Variants in MOV10 observed in about 807,000 individuals in gnomAD.
MOV10 encodes the protein Mov10 RNA helicase.
In MOV10, 39 loss-of-function variants were observed where a neutral mutation model predicts 108.4. The observed-to-expected ratio is 0.36, with a 90% CI of 0.28 to 0.47. The LOEUF (loss-of-function observed/expected upper bound fraction) is 0.47. MOV10 is among the 20% of genes least tolerant of loss of function. MOV10 has a pLI of 1.00. For missense variants in MOV10, 952 were observed against 1,297.6 expected, an observed-to-expected ratio of 0.73 and a Z score of 4.09; for synonymous variants, 490 against 523.1, an observed-to-expected ratio of 0.94 and a Z score of 0.86.
In MOV10 at chr1:112,694,395, C is replaced by T. The variant is rs1178325396; in HGVS notation, c.1296-58C>T. 3 of 1,601,554 alleles carry T rather than the reference C, an allele frequency of 1.9e-6. No individual in the cohort carries two copies. Among genetic ancestry groups the T allele is most frequent in the East Asian group, 4.5e-5 (2 of 44,784 alleles). ...ACTGGTTGGTGGAGAAAGTTCTGGC[C>T]CTTTATTGCCCACCTCCCCTGCCCC... On this transcript the variant is annotated intron_variant, in intron 8 of 20. Coordinates refer to ENST00000369645, the MANE Select transcript of MOV10 (RefSeq NM_001321324.2). The surrounding 1 kb of genome is among the most constrained non-coding windows in gnomAD (Gnocchi z 4.1).
At chr1:112,687,713 C>G (rs1454757851) in intron 2 of MOV10, among the ~76,000 whole-genome samples, 1 of 152,196 alleles carries the variant, frequency 6.6e-6, no homozygotes, top group African/African-American at 2.4e-5. Context: ...CTCACCCTTA[C>G]TGAGGTCTCC....
chr1:112,684,851 T>A (rs1672949199), intron 2 of MOV10, among the ~76,000 whole-genome samples: 1 of 152,222 alleles, frequency 6.6e-6, no homozygotes, highest in African/African-American at 2.4e-5. Context: ...GAATATTCGA[T>A]TTTTCTGTTG....
chr1:112,676,928 A>G (rs528179494), intron 2 of MOV10, among the ~76,000 whole-genome samples: 2 of 152,318 alleles, frequency 1.3e-5, no homozygotes, highest in South Asian at 2.1e-4. Context: ...GGTACATAGT[A>G]TGTTTTAGTA....
chr1:112,676,085 G>A (rs1416159339), intron 2 of MOV10, among the ~76,000 whole-genome samples: 2 of 152,162 alleles, frequency 1.3e-5, no homozygotes, highest in Admixed American at 1.3e-4. Flanking sequence ...TTCACTAATG[G>A]TTATCACATT....
chr1:112,700,708 ACT>A lies in MOV10; in HGVS notation c.*204_*205del, dbSNP rs757526847. 11 of 1,519,630 alleles carry A rather than the reference ACT, an allele frequency of 7.2e-6. No individual in the cohort carries two copies. The South Asian group carries it at 8.6e-5, about 12-fold the overall frequency. 94.1% of individuals were successfully genotyped at this position (1,519,630 alleles called of 1,614,324 possible). On this transcript the variant is annotated 3_prime_UTR_variant, in exon 21 of 21. Coordinates refer to ENST00000369645, the MANE Select transcript of MOV10 (RefSeq NM_001321324.2). Reference sequence around the variant, plus strand: ...AATTGGGGGAAGGGGAAGGAAGAAAACTCTGAAAACAAAATCTTGTTCTATGC... The same window carrying A: ...AATTGGGGGAAGGGGAAGGAAGAAAACTGAAAACAAAATCTTGTTCTATGC...
intron 17 of MOV10, chr1:112,699,311 C>T: frequency 3.1e-6 from 1 of 318,506 alleles, no homozygotes; most frequent in Non-Finnish European, 5.2e-6. Context: ...ACTTACAGGC[C>T]TCTCTCTTGG....
At position 112,700,207 on chromosome 1, in the gene MOV10, T is replaced by C; in HGVS notation, c.2799-12T>C. On this transcript the variant is annotated splice_polypyrimidine_tract_variant and intron_variant, in intron 19 of 20. Transcript: ENST00000369645. ...CCTCCAGTCTCTGCTGGCACTCCTC[T>C]GTACCCCACAGATTCCTGGAGTTCT... is the stretch of plus-strand genomic sequence containing the variant. The C allele has an allele frequency of 6.2e-7, 1 of 1,613,948 alleles. No individual in the cohort carries two copies. The highest frequency in any genetic ancestry group is 8.5e-7 in the Non-Finnish European group (1 of 1,179,870).
At chr1:112,681,558 A>G (rs1176751347) in intron 2 of MOV10, among the ~76,000 whole-genome samples, 1 of 152,104 alleles carries the variant, frequency 6.6e-6, no homozygotes, top group Non-Finnish European at 1.5e-5. Context: ...AATCACTCGT[A>G]GGCATATGGC....
rs962751631 is a variant in MOV10, at chr1:112,697,979, C to A, written c.2199-15C>A. On this transcript the variant is annotated splice_polypyrimidine_tract_variant and intron_variant, in intron 14 of 20. Coordinates refer to ENST00000369645, the MANE Select transcript of MOV10 (RefSeq NM_001321324.2). ...TCTGACCCTTGGTCTTGCTTTTCCTCCTCCGGCCTCCCAGGTCTCATCCCA... is the reference window on the plus strand; with the variant it reads ...TCTGACCCTTGGTCTTGCTTTTCCTACTCCGGCCTCCCAGGTCTCATCCCA... 2 of 1,608,544 alleles carry A rather than the reference C, an allele frequency of 1.2e-6. No individual in the cohort carries two copies. Among genetic ancestry groups the A allele is most frequent in the Non-Finnish European group, 1.7e-6 (2 of 1,175,084 alleles).
At chr1:112,683,209 C>T (rs971791234) in intron 2 of MOV10, among the ~76,000 whole-genome samples, 4 of 151,926 alleles carry the variant, frequency 2.6e-5, no homozygotes, top group African/African-American at 9.7e-5. Flanking sequence ...CGTGAGCCAC[C>T]GTGCCCAGCC....
intron 3 of MOV10, 88 bp downstream of exon 3, chr1:112,689,226 A>G: frequency 7.2e-7 from 1 of 1,395,034 alleles, no homozygotes; most frequent in Non-Finnish European, 9.9e-7. Context: ...AGTGGGTTAC[A>G]CAAGTGGGAA....
chr1:112,683,043 C>T (rs1672792700), intron 2 of MOV10, among the ~76,000 whole-genome samples: 1 of 151,832 alleles, frequency 6.6e-6, no homozygotes, highest in African/African-American at 2.4e-5. Flanking sequence ...CCTCAGCCTC[C>T]TGAGTAGCAG....
Position 112,688,971 on chromosome 1 carries a change from G to A in MOV10, c.174G>A (p.Leu58=), listed in dbSNP as rs1256202716. 1.9e-6 allele frequency: 3 copies of A among 1,612,380 alleles called. No individual in the cohort carries two copies. The change falls in exon 3 of 21, where the codon CTG becomes CTA. Residue 58 remains leucine, a synonymous_variant. Transcript: ENST00000369645. ...GTPAPGFSSM[L]YGMKIANLAY... The stretch of plus-strand genomic sequence containing the variant: ...CCGCCCCTGGCTTCTCCTCCATGCT[G>A]TATGGAATGAAGATTGCAAATCTGG...
At chr1:112,681,555 C>T (rs559462390) in intron 2 of MOV10, among the ~76,000 whole-genome samples, 2 of 152,008 alleles carry the variant, frequency 1.3e-5, no homozygotes, top group African/African-American at 2.4e-5. Flanking sequence ...GGGAATCACT[C>T]GTAGGCATAT....
In MOV10 at chr1:112,695,524, C is replaced by G. The variant is rs990746871; in HGVS notation, c.1729C>G (p.Arg577Gly). 2 of 1,614,190 alleles carry G rather than the reference C, an allele frequency of 1.2e-6. No individual in the cohort carries two copies. The highest frequency in any genetic ancestry group is 1.7e-6 in the Non-Finnish European group (2 of 1,180,030). The change falls in exon 11 of 21, where the codon CGC becomes GGC. Residue 577 changes from arginine to glycine, a missense_variant. By Grantham distance (125) the Arg-to-Gly change is moderately radical. This residue lies in a region of MOV10 where 453 missense variants were observed against 611.5 expected (regional missense o/e 0.74). Coordinates refer to ENST00000369645, the MANE Select transcript of MOV10 (RefSeq NM_001321324.2). ...LRVHLPSSIY[R>G]LLAPSRDIRM... ...GGTCCACCTTCCTAGCTCCATCTACCGCCTCCTGGCCCCCAGCAGGGACAT... is the reference window on the plus strand; with the variant it reads ...GGTCCACCTTCCTAGCTCCATCTACGGCCTCCTGGCCCCCAGCAGGGACAT...
intron 16 of MOV10, 47 bp from the exon 17 acceptor site, chr1:112,698,668 C>G: frequency 6.3e-7 from 1 of 1,582,844 alleles, no homozygotes; most frequent in Non-Finnish European, 8.7e-7. Context: ...CTCCCTCTTG[C>G]ATTAGGTTAA....
chr1:112,688,396 C>T (rs1673262121), intron 2 of MOV10: 1 of 996,616 alleles, frequency 1.0e-6, no homozygotes. Flanking sequence ...CCACCTGCAC[C>T]CTATGACTTC....
chr1:112,691,150 G>A (rs1023235290), intron 5 of MOV10, among the ~76,000 whole-genome samples: 13 of 151,976 alleles, frequency 8.6e-5, no homozygotes, highest in African/African-American at 1.7e-4. Flanking sequence ...GTGTGGTGGC[G>A]CATGCCTGTA....
At chr1:112,688,693 C>G (rs962293563) in intron 2 of MOV10, 4 of 1,417,410 alleles carry the variant, frequency 2.8e-6, no homozygotes, top group Non-Finnish European at 3.7e-6. Context: ...AACGAACAAT[C>G]CAGAACCCAC....
Sources: gnomAD v4.1 joint callset for allele counts (sites outside exome capture counted in the v4.1 genomes callset) on GRCh38, gnomAD v4.1.1 for gene constraint, gnomAD v4.1.1 regional missense constraint, Gnocchi (gnomAD v3.1) non-coding constraint, MANE v1.5 for transcripts, NCBI Gene and HGNC (gene_info 2026-07-23, HGNC 2026-07-21) for gene names.